The following NAALADL2 variants were observed in gnomAD, a reference collection of about 807,000 sequenced individuals.
NAALADL2 encodes the protein N-acetylated alpha-linked acidic dipeptidase like 2.
A neutral mutation model predicts 87.2 loss-of-function variants in NAALADL2; 76 were observed. That is an observed-to-expected ratio of 0.87 (90% CI 0.72 to 1.05). NAALADL2 has a LOEUF of 1.05. Among genes scored for constraint, NAALADL2 ranks in the 50% least tolerant of loss-of-function variants. The pLI, the probability that NAALADL2 is intolerant of heterozygous loss-of-function variation, is 0.00. For synonymous variants in NAALADL2, 354 were observed against 331.0 expected (o/e 1.07, Z -0.75); for missense variants, 1,089 against 945.8 (o/e 1.15, Z -1.99).
intron 5 of NAALADL2, among the ~76,000 whole-genome samples, chr3:175,412,929 T>TATTATTA (rs1560510672): frequency 4.8e-5 from 7 of 146,618 alleles, no homozygotes; most frequent in Admixed American, 1.4e-4. Context: ...TTATTATTAT[T>TATTATTA]TTTGAGACGG....
intron 3 of NAALADL2, among the ~76,000 whole-genome samples, chr3:174,754,817 A>G (rs534413134): frequency 1.3e-5 from 2 of 152,320 alleles, no homozygotes; most frequent in East Asian, 1.9e-4. Context: ...TGACACTCTC[A>G]TTAATAATGG....
At chr3:175,296,778 G>T (rs2110188334) in intron 4 of NAALADL2, among the ~76,000 whole-genome samples, 1 of 152,252 alleles carries the variant, frequency 6.6e-6, no homozygotes, top group South Asian at 2.1e-4. Flanking sequence ...GAAATTGAGT[G>T]AGGATATTCA....
At chr3:174,926,913 A>C (rs1191901457) in intron 1 of NAALADL2, among the ~76,000 whole-genome samples, 3 of 151,894 alleles carry the variant, frequency 2.0e-5, no homozygotes, top group African/African-American at 2.4e-5. Context: ...AGACTGGCAA[A>C]TTGGATAAAG....
chr3:174,883,993 A>G (rs9849961), intron 1 of NAALADL2, among the ~76,000 whole-genome samples: 31,778 of 152,084 alleles, frequency 0.21, 3,363 homozygotes, highest in East Asian at 0.3. Flanking sequence ...ACCCCAGCCA[A>G]TACTGTAACT....
chr3:175,656,027 T>A (rs2082878025), intron 11 of NAALADL2, among the ~76,000 whole-genome samples: 1 of 152,224 alleles, frequency 6.6e-6, no homozygotes, highest in Admixed American at 6.5e-5. Flanking sequence ...AGTTTTCAAG[T>A]GGCTTATCTA....
intron 11 of NAALADL2, among the ~76,000 whole-genome samples, chr3:175,705,128 G>A (rs931026551): frequency 1.3e-5 from 2 of 152,110 alleles, no homozygotes; most frequent in Non-Finnish European, 2.9e-5. Context: ...GGAAGAGTAG[G>A]AGAGATGGCT....
At chr3:175,783,404 CT>C (rs1751439481) in intron 13 of NAALADL2, among the ~76,000 whole-genome samples, 1 of 150,834 alleles carries the variant, frequency 6.6e-6, no homozygotes, top group African/African-American at 2.5e-5. Context: ...TGTAGTTCTC[CT>C]TGAAGAGGTC....
chr3:175,136,986 C>T (rs1729209121), intron 2 of NAALADL2, among the ~76,000 whole-genome samples: 1 of 152,098 alleles, frequency 6.6e-6, no homozygotes, highest in Admixed American at 6.6e-5. Flanking sequence ...TTATAGAATT[C>T]CCTTGATAAA....
chr3:175,534,545 C>T (rs748099291), intron 9 of NAALADL2, among the ~76,000 whole-genome samples: 1 of 152,068 alleles, frequency 6.6e-6, no homozygotes, highest in African/African-American at 2.4e-5. Context: ...AAGGAGCACA[C>T]AATCAGTCCT....
At chr3:175,060,970 C>T (rs1350599073) in intron 1 of NAALADL2, among the ~76,000 whole-genome samples, 4 of 152,144 alleles carry the variant, frequency 2.6e-5, no homozygotes, top group Non-Finnish European at 4.4e-5. Flanking sequence ...GGCTTGAACC[C>T]GGGAGGTGGA....
At chr3:175,007,569 C>A (rs1386249968) in intron 1 of NAALADL2, among the ~76,000 whole-genome samples, 1 of 152,094 alleles carries the variant, frequency 6.6e-6, no homozygotes, top group Non-Finnish European at 1.5e-5. Flanking sequence ...ATTTGAGAAA[C>A]TTCATTTTAG....
At chr3:175,312,705 C>A (rs960879137) in intron 4 of NAALADL2, among the ~76,000 whole-genome samples, 2 of 152,122 alleles carry the variant, frequency 1.3e-5, no homozygotes, top group African/African-American at 4.8e-5. Flanking sequence ...CTGGGCCATT[C>A]CCTTAACCTT....
At chr3:174,745,347 A>T (rs913868955) in intron 3 of NAALADL2, among the ~76,000 whole-genome samples, 3 of 152,182 alleles carry the variant, frequency 2.0e-5, no homozygotes. Flanking sequence ...ATCTAAAAAA[A>T]ACTGATAAAT....
rs113739170 is a variant in NAALADL2, at chr3:175,244,958, C to T, written c.819+10754C>T. 2.3e-3 allele frequency among the ~76,000 whole-genome samples: 351 copies of T among 152,194 alleles called. 1 individual carries two copies. Among genetic ancestry groups the T allele is most frequent in the African/African-American group, 7.8e-3 (325 of 41,540 alleles). On this transcript the variant is annotated intron_variant, in intron 3 of 13. Transcript: ENST00000454872. ...GAGAAAGTAAGCAGTAGGAAAGGGA[C>T]CTTTTGTAACTCATTTCCTCCCTAT... is the stretch of plus-strand genomic sequence containing the variant.
At chr3:174,731,961 A>C (rs2108985021) in intron 2 of NAALADL2, among the ~76,000 whole-genome samples, 1 of 152,282 alleles carries the variant, frequency 6.6e-6, no homozygotes. Context: ...TGATTGTTAT[A>C]GCAGGAAAGC....
chr3:174,572,590 T>C (rs1340423786), intron 2 of NAALADL2, among the ~76,000 whole-genome samples: 1 of 152,158 alleles, frequency 6.6e-6, no homozygotes, highest in Non-Finnish European at 1.5e-5. Context: ...AGGATATTAT[T>C]TGTTACACAA....
chr3:175,087,840 C>T (rs1719337256), intron 1 of NAALADL2, among the ~76,000 whole-genome samples: 1 of 151,570 alleles, frequency 6.6e-6, no homozygotes, highest in African/African-American at 2.4e-5. Flanking sequence ...GCTGACCTTC[C>T]CTCCACTATT....
chr3:175,443,853 GC>G (rs200803986), intron 5 of NAALADL2, among the ~76,000 whole-genome samples: 1 of 39,096 alleles, frequency 2.6e-5, no homozygotes, highest in Non-Finnish European at 4.9e-5. Context: ...AGCAAGCATT[GC>G]AAAAAAAAGG....
chr3:174,778,719 A>G (rs533595798), intron 3 of NAALADL2, among the ~76,000 whole-genome samples: 1 of 152,058 alleles, frequency 6.6e-6, no homozygotes, highest in African/African-American at 2.4e-5. Flanking sequence ...CTGAGTGAGA[A>G]TATGTAGTGT....
Sources: allele counts gnomAD v4.1 joint callset (sites outside exome capture counted in the v4.1 genomes callset), GRCh38; gene constraint gnomAD v4.1.1; transcripts MANE v1.5; gene names NCBI Gene and HGNC (gene_info 2026-07-23, HGNC 2026-07-21).